Variants in CYTH1 observed in about 807,000 individuals in gnomAD.
CYTH1 encodes the protein cytohesin-1.
CYTH1 carries 18 observed loss-of-function variants against 61.8 expected under a neutral mutation model. The ratio of observed to expected loss-of-function variants is 0.29; its 90% CI spans 0.20 to 0.43. The LOEUF is 0.43. Ranked by LOEUF, CYTH1 falls within the 20% of genes least tolerant of loss-of-function variation. The pLI, the probability that CYTH1 is intolerant of heterozygous loss-of-function variation, is 1.00. For synonymous variants in CYTH1, 174 were observed against 184.3 expected (o/e 0.94, Z 0.45); for missense variants, 336 against 510.5 (o/e 0.66, Z 3.29).
At chr17:78,756,516 G>A (rs2093401870) in intron 1 of CYTH1, among the ~76,000 whole-genome samples, 1 of 152,136 alleles carries the variant, frequency 6.6e-6, no homozygotes, top group South Asian at 2.1e-4. Context: ...ACCAATTAAA[G>A]GTGCTGAAAA....
rs1452495720 is a variant in CYTH1, at chr17:78,680,983, G to A, written c.951C>T (p.Asp317=). ...CAAAAATACTCACTGGTTTTTTGGA[G>A]TCCTCCACTTCCCGGATACTCAGAT... ...LENLSIREVE[D]SKKPNCFELY... Residue 317 remains aspartate (D), a synonymous_variant, in exon 12 of 14, where the codon GAC becomes GAT. Transcript: ENST00000446868. 3.1e-6 allele frequency: 5 copies of A among 1,613,988 alleles called. No individual in the cohort carries two copies. The highest frequency in any genetic ancestry group is 2.2e-5 in the East Asian group (1 of 44,876).
chr17:78,746,374 C>T (rs1156276502), intron 1 of CYTH1, among the ~76,000 whole-genome samples: 1 of 152,144 alleles, frequency 6.6e-6, no homozygotes, highest in African/African-American at 2.4e-5. Flanking sequence ...TCTGAACCTC[C>T]TCTATTCCTC....
At chr17:78,745,773 T>C (rs1049323582) in intron 1 of CYTH1, among the ~76,000 whole-genome samples, 2 of 152,082 alleles carry the variant, frequency 1.3e-5, no homozygotes, top group African/African-American at 2.4e-5. Flanking sequence ...ACACTTGTAG[T>C]CCCAGCTACT....
intron 1 of CYTH1, among the ~76,000 whole-genome samples, chr17:78,744,703 G>A (rs1379611576): frequency 6.6e-6 from 1 of 152,124 alleles, no homozygotes; most frequent in Non-Finnish European, 1.5e-5. Context: ...CAAAGAACTT[G>A]CCATTCCTTG....
At chr17:78,781,215 G>T (rs1320492538) in intron 1 of CYTH1, among the ~76,000 whole-genome samples, 3 of 150,104 alleles carry the variant, frequency 2.0e-5, no homozygotes, top group African/African-American at 7.3e-5. Context: ...TATTAAACTA[G>T]AATTGGGTTC....
rs58531202 is a variant in CYTH1 at position 78,741,396 on chromosome 17, GA to G, written c.23-31665del. ...CAAAAAAATTAAATAAATGACAGTA[GA>G]AAAAAAAACGTGAATATTTATATAA... On this transcript the variant is annotated intron_variant, in intron 1 of 13. Transcript: ENST00000446868. 4.3e-3 allele frequency among the ~76,000 whole-genome samples: 636 copies of G among 149,552 alleles called. 6 individuals are homozygous for G. The highest frequency in any genetic ancestry group is 0.015 in the African/African-American group (597 of 40,766).
At chr17:78,722,946 G>A (rs1385900218) in intron 1 of CYTH1, among the ~76,000 whole-genome samples, 2 of 152,094 alleles carry the variant, frequency 1.3e-5, no homozygotes, top group Non-Finnish European at 2.9e-5. Flanking sequence ...CACGGAAGCT[G>A]GACCAAGGAA....
chr17:78,699,936 T>C (rs753664111), intron 7 of CYTH1, among the ~76,000 whole-genome samples: 2 of 152,074 alleles, frequency 1.3e-5, no homozygotes, highest in Non-Finnish European at 2.9e-5. Flanking sequence ...ACTACAGGCA[T>C]AAGCCACCAC....
At chr17:78,718,829 G>C (rs2093204519) in intron 1 of CYTH1, among the ~76,000 whole-genome samples, 1 of 152,206 alleles carries the variant, frequency 6.6e-6, no homozygotes, top group South Asian at 2.1e-4. Context: ...AGCACAAATA[G>C]GTGCCCAACA....
Position 78,733,367 on chromosome 17 carries a change from A to G in CYTH1, c.23-23635T>C, listed in dbSNP as rs796440287. On this transcript the variant is annotated intron_variant, in intron 1 of 13. Coordinates refer to ENST00000446868, the MANE Select transcript of CYTH1 (RefSeq NM_004762.6). ...GTTCTCATCAGTTTACAGGTAAGAT[A>G]AAGACTCAATGAGTACAAATAATCT... Among the ~76,000 whole-genome samples, 16 of 152,372 alleles carry G rather than the reference A, an allele frequency of 1.1e-4. 1 individual carries two copies. The highest frequency in any genetic ancestry group is 3.8e-4 in the African/African-American group (16 of 41,596).
intron 1 of CYTH1, among the ~76,000 whole-genome samples, chr17:78,729,592 A>G (rs1259276452): frequency 2.6e-5 from 4 of 152,210 alleles, no homozygotes; most frequent in Non-Finnish European, 4.4e-5. Context: ...TAAAGAGCAC[A>G]CACCTTTTGA....
chr17:78,704,684 C>T (rs2093047344), intron 3 of CYTH1, among the ~76,000 whole-genome samples: 1 of 152,148 alleles, frequency 6.6e-6, no homozygotes, highest in African/African-American at 2.4e-5. Context: ...CCACAACTGG[C>T]TACTTTTTAA....
chr17:78,743,283 G>A (rs1234655381), intron 1 of CYTH1, among the ~76,000 whole-genome samples: 5 of 152,054 alleles, frequency 3.3e-5, no homozygotes, highest in African/African-American at 4.8e-5. Context: ...CATCATCTCC[G>A]TCCACTCACC....
chr17:78,705,028 T>C (rs927141600), intron 3 of CYTH1, among the ~76,000 whole-genome samples: 14 of 152,336 alleles, frequency 9.2e-5, no homozygotes, highest in African/African-American at 3.4e-4. Flanking sequence ...ATCATTTTTT[T>C]CTAAATCCAG....
intron 1 of CYTH1, among the ~76,000 whole-genome samples, chr17:78,719,305 T>C (rs1209951078): frequency 6.6e-6 from 1 of 152,182 alleles, no homozygotes; most frequent in Non-Finnish European, 1.5e-5. Flanking sequence ...ACTACAGCTT[T>C]TATATCACTT....
At chr17:78,746,492 C>G (rs1042173111) in intron 1 of CYTH1, among the ~76,000 whole-genome samples, 15 of 151,980 alleles carry the variant, frequency 9.9e-5, no homozygotes, top group Non-Finnish European at 1.0e-4. Context: ...GTGCGGCGAC[C>G]GAGTTTCCTA....
intron 1 of CYTH1, among the ~76,000 whole-genome samples, chr17:78,751,818 G>A (rs2093381452): frequency 6.6e-6 from 1 of 152,002 alleles, no homozygotes; most frequent in Non-Finnish European, 1.5e-5. Flanking sequence ...TTTGTTTTTT[G>A]TTTTGTTTTG....
intron 11 of CYTH1, among the ~76,000 whole-genome samples, chr17:78,683,143 T>A (rs74415603): frequency 6.6e-6 from 1 of 152,218 alleles, no homozygotes; most frequent in Non-Finnish European, 1.5e-5. Flanking sequence ...GATTTTTTTT[T>A]ATTATTTTTG....
intron 11 of CYTH1, among the ~76,000 whole-genome samples, chr17:78,684,455 G>T (rs1368043759): frequency 6.6e-6 from 1 of 152,232 alleles, no homozygotes; most frequent in East Asian, 1.9e-4. Context: ...GATGACTTGT[G>T]TGTGCCCAAT....
Sources: allele counts gnomAD v4.1 joint callset (sites outside exome capture counted in the v4.1 genomes callset), GRCh38; gene constraint gnomAD v4.1.1; transcripts MANE v1.5; gene names NCBI Gene and HGNC (gene_info 2026-07-23, HGNC 2026-07-21).